SLIT3: variants seen among roughly 807,000 people sequenced by gnomAD.
SLIT3 encodes slit homolog 3 protein.
A neutral mutation model predicts 184.0 loss-of-function variants in SLIT3; 68 were observed. The observed-to-expected ratio is 0.37, with a 90% CI of 0.30 to 0.45. SLIT3 has a LOEUF of 0.45. Among genes scored for constraint, SLIT3 ranks in the 20% least tolerant of loss-of-function variants. SLIT3 has a pLI of 1.00. For synonymous variants in SLIT3, 831 were observed against 828.6 expected (o/e 1.00, Z -0.05); for missense variants, 1,707 against 2,026.0 (o/e 0.84, Z 3.02).
intron 28 of SLIT3, among the ~76,000 whole-genome samples, chr5:168,695,940 C>T (rs979728545): frequency 1.3e-5 from 2 of 152,202 alleles, no homozygotes; most frequent in African/African-American, 2.4e-5. Flanking sequence ...AGACGGTTGA[C>T]TAGACCTGAA....
At chr5:169,169,997 C>T (rs948900676) in intron 4 of SLIT3, among the ~76,000 whole-genome samples, 16 of 152,278 alleles carry the variant, frequency 1.1e-4, no homozygotes, top group South Asian at 1.0e-3. Context: ...TGCCCTTCCT[C>T]GCAGAGGGAA....
At chr5:169,064,695 G>T (rs1758287939) in intron 4 of SLIT3, among the ~76,000 whole-genome samples, 1 of 152,132 alleles carries the variant, frequency 6.6e-6, no homozygotes, top group Non-Finnish European at 1.5e-5. Flanking sequence ...GGTCAGTCCG[G>T]CTCTTCTCTG....
chr5:168,950,763 T>C (rs192740402), intron 4 of SLIT3, among the ~76,000 whole-genome samples: 5 of 152,338 alleles, frequency 3.3e-5, no homozygotes, highest in African/African-American at 1.2e-4. Flanking sequence ...AAGAGCAGAT[T>C]CATGTTTTTA....
chr5:168,998,276 C>T (rs1304518967), intron 4 of SLIT3, among the ~76,000 whole-genome samples: 1 of 152,208 alleles, frequency 6.6e-6, no homozygotes, highest in East Asian at 1.9e-4. Context: ...CAACCAGCAC[C>T]ACCTCCAAAA....
intron 4 of SLIT3, among the ~76,000 whole-genome samples, chr5:169,091,625 A>AGGAATGAGATTAGTTTCAAG (rs1759589311): frequency 6.6e-6 from 1 of 152,160 alleles, no homozygotes; most frequent in Non-Finnish European, 1.5e-5. Context: ...AGTCGTCAAG[A>AGGAATGAGATTAGTTTCAAG]GGAATGAGAT....
At chr5:168,696,029 T>C (rs1042619055) in intron 28 of SLIT3, among the ~76,000 whole-genome samples, 1 of 152,150 alleles carries the variant, frequency 6.6e-6, no homozygotes, top group Non-Finnish European at 1.5e-5. Context: ...AAGGATGTAA[T>C]GGCCAGCAAT....
chr5:168,831,118 G>A (rs949780), intron 6 of SLIT3, among the ~76,000 whole-genome samples: 40,141 of 152,134 alleles, frequency 0.26, 6,764 homozygotes, highest in African/African-American at 0.48. Flanking sequence ...TGGCTAACAC[G>A]TATCAGTGTT....
chr5:168,846,504 G>T (rs1160798743), intron 5 of SLIT3, among the ~76,000 whole-genome samples: 2 of 152,116 alleles, frequency 1.3e-5, no homozygotes, highest in Non-Finnish European at 2.9e-5. Context: ...TTTATCATCA[G>T]CTTAGAGGCC....
intron 12 of SLIT3, among the ~76,000 whole-genome samples, chr5:168,780,987 G>A (rs896127448): frequency 2.0e-5 from 3 of 152,200 alleles, no homozygotes; most frequent in African/African-American, 7.2e-5. Flanking sequence ...GGGGAAACAG[G>A]AGGAGCCCTC....
chr5:168,746,306 G>C (rs1165875392), intron 20 of SLIT3, among the ~76,000 whole-genome samples: 1 of 149,712 alleles, frequency 6.7e-6, no homozygotes, highest in Non-Finnish European at 1.5e-5. Context: ...GGGTGTGGTG[G>C]TGTGGGTGTG....
intron 4 of SLIT3, among the ~76,000 whole-genome samples, chr5:169,166,498 T>G (rs868796438): frequency 3.3e-5 from 5 of 152,066 alleles, no homozygotes; most frequent in African/African-American, 1.2e-4. Context: ...GAGACCTCAT[T>G]ATAATGCAGC....
chr5:168,749,450 C>T lies in SLIT3; in HGVS notation c.2137+22G>A, dbSNP rs182635575. On this transcript the variant is annotated intron_variant, in intron 19 of 35. Coordinates refer to ENST00000519560, the MANE Select transcript of SLIT3 (RefSeq NM_003062.4). ...GCCTTCCCAGGGCCTTCCCCGCAGA[C>T]CTTGACCCACAGCCTTCTTACCATC... 1.5e-5 allele frequency: 24 copies of T among 1,613,862 alleles called. No individual in the cohort carries two copies. The East Asian group carries it at 5.1e-4, about 34-fold the overall frequency.
chr5:168,926,854 G>T (rs1469429483), intron 4 of SLIT3, among the ~76,000 whole-genome samples: 1 of 151,848 alleles, frequency 6.6e-6, no homozygotes, highest in African/African-American at 2.4e-5. Flanking sequence ...TATTAAGATG[G>T]CTACTATCAA....
At chr5:168,949,510 G>A (rs922492681) in intron 4 of SLIT3, among the ~76,000 whole-genome samples, 1 of 152,160 alleles carries the variant, frequency 6.6e-6, no homozygotes, top group African/African-American at 2.4e-5. Flanking sequence ...TGTGTGCTGT[G>A]ACTAGATACA....
At chr5:169,097,853 T>C (rs1759847052) in intron 4 of SLIT3, among the ~76,000 whole-genome samples, 1 of 152,180 alleles carries the variant, frequency 6.6e-6, no homozygotes, top group African/African-American at 2.4e-5. Flanking sequence ...AGTTGGAGGA[T>C]CAAGTGCATT....
chr5:169,193,742 C>G (rs297899), intron 3 of SLIT3, among the ~76,000 whole-genome samples, 192 bp from the exon 4 acceptor site: 5,224 of 152,232 alleles, frequency 0.034, 326 homozygotes, highest in African/African-American at 0.12. Context: ...GTTGGGAATG[C>G]AAAGCAAAGG....
At position 169,244,606 on chromosome 5, in the gene SLIT3, A is replaced by G. The variant is rs1271050457; in HGVS notation, c.341+99T>C. 4.0e-6 allele frequency: 4 copies of G among 1,004,876 alleles called. No homozygotes were observed. The East Asian group carries it at 1.0e-4, about 26-fold the overall frequency. 62.2% of individuals were successfully genotyped at this position (1,004,876 alleles called of 1,614,324 possible). ...ATTTAAACACTGGAGACCTTTTTTA[A>G]CAAGGTTATAAGGCCAATTTACAAA... On this transcript the variant is annotated intron_variant, in intron 3 of 35. Transcript: ENST00000519560.
rs115850426 is a variant in SLIT3 at position 168,733,163 on chromosome 5, T to C, written c.2271-8679A>G. Reference sequence around the variant, plus strand: ...AATAAACATTTCTCAAAAACAGACATACAATTGGTCAAACATATGAAAAAT... The same window carrying C: ...AATAAACATTTCTCAAAAACAGACACACAATTGGTCAAACATATGAAAAAT... On this transcript the variant is annotated intron_variant, in intron 20 of 35. Transcript: ENST00000519560. Among the ~76,000 whole-genome samples, 193 of 151,018 alleles carry C rather than the reference T, an allele frequency of 1.3e-3. 1 individual carries two copies. Among genetic ancestry groups the C allele is most frequent in the African/African-American group, 4.5e-3 (187 of 41,254 alleles).
intron 5 of SLIT3, among the ~76,000 whole-genome samples, chr5:168,872,236 TG>T (rs1759548285): frequency 2.0e-5 from 3 of 152,192 alleles, no homozygotes; most frequent in Admixed American, 1.3e-4. Context: ...CTTGAGGGTT[TG>T]GGGGAATGGA....
Sources: allele counts gnomAD v4.1 joint callset (sites outside exome capture counted in the v4.1 genomes callset), GRCh38; gene constraint gnomAD v4.1.1; transcripts MANE v1.5; gene names NCBI Gene and HGNC (gene_info 2026-07-23, HGNC 2026-07-21).